FASTKD1: variants seen among roughly 807,000 people sequenced by gnomAD.
The protein encoded by FASTKD1 is FAST kinase domain-containing protein 1, mitochondrial.
In FASTKD1, 94 loss-of-function variants were observed where a neutral mutation model predicts 90.9. That is an observed-to-expected ratio of 1.03 (90% confidence interval 0.88 to 1.23). The LOEUF is 1.23. FASTKD1 is among the 50% of genes most tolerant of loss of function. FASTKD1 has a pLI of 0.00. For missense variants in FASTKD1, 945 were observed against 993.5 expected (o/e 0.95, Z 0.66); for synonymous variants, 319 against 345.8 (o/e 0.92, Z 0.86).
chr2:169,572,854 C>T (rs1033570014), intron 1 of FASTKD1: 26 of 152,024 alleles, frequency 1.7e-4, no homozygotes, highest in African/African-American at 5.8e-4. Flanking sequence ...TAAAAATATG[C>T]TATAAATGTT....
intron 10 of FASTKD1, among the ~76,000 whole-genome samples, chr2:169,538,883 TTAA>T (rs1330824040): frequency 3.3e-5 from 5 of 152,092 alleles, no homozygotes; most frequent in African/African-American, 1.2e-4. Context: ...CAAAAAATAT[TTAA>T]TAATATGGAA....
At chr2:169,554,994 CTT>C in intron 7 of FASTKD1, 128 bp downstream of exon 7, 2 of 816,242 alleles carry the variant, frequency 2.5e-6, no homozygotes, top group African/African-American at 1.7e-5. Flanking sequence ...GAGATAGTGT[CTT>C]AACATTTTTA....
chr2:169,542,579 T>C (rs1449845221), intron 9 of FASTKD1, among the ~76,000 whole-genome samples: 1 of 152,208 alleles, frequency 6.6e-6, no homozygotes, highest in Non-Finnish European at 1.5e-5. Context: ...CCAAAAGACT[T>C]TTCTGGCCAG....
At chr2:169,554,500 C>T (rs151261726) in intron 7 of FASTKD1, among the ~76,000 whole-genome samples, 25 of 113,400 alleles carry the variant, frequency 2.2e-4, no homozygotes, top group Admixed American at 8.8e-4. Flanking sequence ...CCCATCTCTA[C>T]TAAAATTACA....
In FASTKD1 at chr2:169,573,853, G is replaced by A. The variant is rs1478273338; in HGVS notation, c.-327C>T. On this transcript the variant is annotated 5_prime_UTR_variant, in exon 1 of 15. Transcript: ENST00000453153. ...GACATGACCTTTCCCATGAGACCTT[G>A]CCCCCAAACCAGGAAAAAATGCCCG... The A allele has an allele frequency of 1.3e-5, 2 of 152,190 alleles. No individual in the cohort carries two copies. The highest frequency in any genetic ancestry group is 2.9e-5 in the Non-Finnish European group (2 of 68,086). The allele number at this position is 152,190 out of a possible 1,614,324, so 9.4% of individuals were successfully genotyped here.
chr2:169,531,056 T>G (rs540026272), intron 13 of FASTKD1: 2 of 678,908 alleles, frequency 2.9e-6, no homozygotes, highest in East Asian at 3.0e-5. Context: ...GTGTAGGAAG[T>G]GGCTAAGTGC....
Position 169,572,143 on chromosome 2 carries a change from G to A in FASTKD1, c.-114C>T. 2 of 1,246,256 alleles carry A rather than the reference G, an allele frequency of 1.6e-6. No homozygotes were observed. Among genetic ancestry groups the A allele is most frequent in the Non-Finnish European group, 2.2e-6 (2 of 920,740 alleles). The allele number at this position is 1,246,256 out of a possible 1,614,324, so 77.2% of individuals were successfully genotyped here. The stretch of plus-strand genomic sequence containing the variant: ...TCATGTATTTTGCTTCCATTACAAT[G>A]ACTGTAAACGCATTCCAATGTACAG... On this transcript the variant is annotated 5_prime_UTR_variant, in exon 2 of 15. Transcript: ENST00000453153.
chr2:169,560,839 CTTTTT>C (rs1204635514), intron 4 of FASTKD1, 54 bp from the exon 5 acceptor site: 528 of 248,350 alleles, frequency 2.1e-3, no homozygotes, highest in East Asian at 3.9e-3. Context: ...ATGATCAATT[CTTTTT>C]TTTTTTTTTT....
chr2:169,539,617 T>C (rs1431073662), intron 10 of FASTKD1, among the ~76,000 whole-genome samples: 1 of 151,342 alleles, frequency 6.6e-6, no homozygotes, highest in Non-Finnish European at 1.5e-5. Flanking sequence ...AAAAAAAAAT[T>C]AGCTGGGCAT....
rs79927055 is a variant in FASTKD1, at chr2:169,529,124, T to C, written c.*701A>G. Reference sequence around the variant, plus strand: ...TTTACTGAATTCTCTATTTGATATATCCACTTAGATGTTTAAAAGACATCA... The same window carrying C: ...TTTACTGAATTCTCTATTTGATATACCCACTTAGATGTTTAAAAGACATCA... On this transcript the variant is annotated 3_prime_UTR_variant, in exon 15 of 15. Coordinates refer to ENST00000453153, the MANE Select transcript of FASTKD1 (RefSeq NM_024622.6). 5.0e-3 allele frequency among the ~76,000 whole-genome samples: 757 copies of C among 152,292 alleles called. 9 individuals carry two copies. Among genetic ancestry groups the C allele is most frequent in the African/African-American group, 0.017 (723 of 41,556 alleles).
At chr2:169,540,755 T>G (rs190269304) in intron 9 of FASTKD1, among the ~76,000 whole-genome samples, 1 of 152,066 alleles carries the variant, frequency 6.6e-6, no homozygotes, top group Admixed American at 6.6e-5. Context: ...CAGCGGAGAG[T>G]AGGGTTTAAC....
intron 3 of FASTKD1, 50 bp downstream of exon 3, chr2:169,569,134 A>C: frequency 6.7e-7 from 1 of 1,483,526 alleles, no homozygotes; most frequent in Non-Finnish European, 9.4e-7. Flanking sequence ...TCACTCTGTT[A>C]ACCCTGAAAA....
intron 12 of FASTKD1, among the ~76,000 whole-genome samples, chr2:169,534,371 C>T (rs1009992688): frequency 6.6e-6 from 1 of 151,646 alleles, no homozygotes; most frequent in Non-Finnish European, 1.5e-5. Context: ...GAGGCTAGGT[C>T]CTTAGTAGAT....
In FASTKD1 at chr2:169,529,937, G is replaced by A; in HGVS notation, c.2443-11C>T. On this transcript the variant is annotated splice_polypyrimidine_tract_variant and intron_variant, in intron 14 of 14. Coordinates refer to ENST00000453153, the MANE Select transcript of FASTKD1 (RefSeq NM_024622.6). Reference sequence around the variant, plus strand: ...TTCAAACTGGGAAATCTGAAAATAAGTAATGTTGTTTGAATGAAAGTTTTA... The same window carrying A: ...TTCAAACTGGGAAATCTGAAAATAAATAATGTTGTTTGAATGAAAGTTTTA... 6.3e-7 allele frequency: 1 copy of A among 1,584,894 alleles called. No individual in the cohort carries two copies. The highest frequency in any genetic ancestry group is 8.6e-7 in the Non-Finnish European group (1 of 1,159,040).
intron 7 of FASTKD1, among the ~76,000 whole-genome samples, chr2:169,551,397 GAATA>G (rs111354457): frequency 0.025 from 3,811 of 152,100 alleles, 169 homozygotes; most frequent in African/African-American, 0.087. Flanking sequence ...ATCAACAATA[GAATA>G]AATAAATAAA....
chr2:169,548,990 A>C (rs1319144490), intron 7 of FASTKD1, among the ~76,000 whole-genome samples: 1 of 150,338 alleles, frequency 6.7e-6, no homozygotes, highest in African/African-American at 2.4e-5. Flanking sequence ...CCAGCTACTC[A>C]GGAGGCTGAG....
chr2:169,558,113 A>G (rs1016932606), intron 5 of FASTKD1, among the ~76,000 whole-genome samples: 9 of 152,230 alleles, frequency 5.9e-5, no homozygotes, highest in Admixed American at 4.6e-4. Context: ...CAGTATTTAC[A>G]TATTTCAATT....
chr2:169,538,545 G>C (rs1684828077), intron 10 of FASTKD1, among the ~76,000 whole-genome samples: 1 of 151,778 alleles, frequency 6.6e-6, no homozygotes, highest in African/African-American at 2.4e-5. Context: ...GCATGGTGGT[G>C]CATGCCTGTA....
At chr2:169,553,009 T>C (rs1685560837) in intron 7 of FASTKD1, among the ~76,000 whole-genome samples, 1 of 151,856 alleles carries the variant, frequency 6.6e-6, no homozygotes, top group South Asian at 2.1e-4. Context: ...GAGATCAAGA[T>C]AAGCCTGGCC....
Sources: allele counts gnomAD v4.1 joint callset (sites outside exome capture counted in the v4.1 genomes callset), GRCh38; gene constraint gnomAD v4.1.1; transcripts MANE v1.5; gene names NCBI Gene and HGNC (gene_info 2026-07-23, HGNC 2026-07-21).